The following TBC1D30 variants were observed in gnomAD, a reference collection of about 807,000 sequenced individuals.
TBC1D30 encodes TBC1 domain family, member 30.
In TBC1D30, 31 loss-of-function variants were observed where a neutral mutation model predicts 63.2. That is an observed-to-expected ratio of 0.49 (90% CI 0.37 to 0.66). The LOEUF is 0.66. Among genes scored for constraint, TBC1D30 ranks in the 30% least tolerant of loss-of-function variants. The pLI, the probability that TBC1D30 is intolerant of heterozygous loss-of-function variation, is 0.00. For synonymous variants in TBC1D30, 307 were observed against 361.5 expected, an observed-to-expected ratio of 0.85 and a Z score of 1.71; for missense variants, 810 against 953.6, an observed-to-expected ratio of 0.85 and a Z score of 1.98.
rs555558893 is a variant in TBC1D30, at chr12:64,805,117, C to T, written c.643+19072C>T. On this transcript the variant is annotated intron_variant, in intron 2 of 12. Coordinates refer to the TBC1D30 transcript ENST00000542120. ...TCAGGAGGCTGAGGTGGGAGAATTGCTTGAACCTGGGAGGCAGAGGTTGCA... is the reference window on the plus strand; with the variant it reads ...TCAGGAGGCTGAGGTGGGAGAATTGTTTGAACCTGGGAGGCAGAGGTTGCA... Among the ~76,000 whole-genome samples, 5 of 152,236 alleles carry T rather than the reference C, an allele frequency of 3.3e-5. 1 individual carries two copies. The South Asian group carries it at 1.0e-3, about 32-fold the overall frequency.
chr12:64,866,070 A>G (rs965360923), intron 9 of TBC1D30, among the ~76,000 whole-genome samples: 1 of 152,100 alleles, frequency 6.6e-6, no homozygotes, highest in African/African-American at 2.4e-5. Context: ...GAGTCTCGCT[A>G]TGTTACCCAG....
chr12:64,777,349 C>T (rs1267875739), upstream of TBC1D30, among the ~76,000 whole-genome samples: 1 of 152,190 alleles, frequency 6.6e-6, no homozygotes, highest in African/African-American at 2.4e-5. Flanking sequence ...GGTCCTATAT[C>T]TAGAAAACTC....
chr12:64,866,561 C>T lies in TBC1D30; in HGVS notation c.1152-203C>T, dbSNP rs145290503. ...CAAGCGATTCTCTAGCCTCAGCCTC[C>T]GAAGTAGCTGGAATTACAGGTGTGC... is the stretch of plus-strand genomic sequence containing the variant. On this transcript the variant is annotated intron_variant, in intron 9 of 11. Coordinates refer to ENST00000539867, the MANE Select transcript of TBC1D30 (RefSeq NM_015279.2). 4.3e-3 allele frequency among the ~76,000 whole-genome samples: 653 copies of T among 152,126 alleles called. 4 individuals are homozygous for T. Among genetic ancestry groups the T allele is most frequent in the African/African-American group, 0.015 (617 of 41,494 alleles).
At chr12:64,825,587 C>T (rs1874263522) in intron 1 of TBC1D30, 1 of 153,494 alleles carries the variant, frequency 6.5e-6, no homozygotes, top group Non-Finnish European at 1.5e-5. Flanking sequence ...AGCAGGAGAT[C>T]CTTTTCATAG....
intron 2 of TBC1D30, among the ~76,000 whole-genome samples, chr12:64,788,196 T>C (rs911983637): frequency 6.9e-6 from 1 of 145,652 alleles, no homozygotes; most frequent in African/African-American, 2.6e-5. Flanking sequence ...TGTAGGGGTG[T>C]GTGTGTGTGT....
intron 1 of TBC1D30, among the ~76,000 whole-genome samples, chr12:64,772,734 A>C (rs1050265172): frequency 6.6e-6 from 1 of 152,080 alleles, no homozygotes; most frequent in Non-Finnish European, 1.5e-5. Flanking sequence ...GGCCTACATC[A>C]GTTCTTTTAA....
chr12:64,808,468 T>C (rs1389006465), intron 2 of TBC1D30, among the ~76,000 whole-genome samples: 1 of 152,192 alleles, frequency 6.6e-6, no homozygotes, highest in Non-Finnish European at 1.5e-5. Flanking sequence ...TCAAAAATGT[T>C]TGCCATAAGA....
chr12:64,855,601 C>A (rs916717636), intron 8 of TBC1D30, among the ~76,000 whole-genome samples: 47 of 152,134 alleles, frequency 3.1e-4, no homozygotes, highest in Admixed American at 3.1e-3. Context: ...ATCAATTCTG[C>A]TATTAAGAGA....
At chr12:64,825,166 G>A (rs1874203281) in intron 1 of TBC1D30, 133 bp downstream of exon 1, 14 of 1,309,870 alleles carry the variant, frequency 1.1e-5, no homozygotes, top group Admixed American at 5.5e-5. Flanking sequence ...GCGGGGCACC[G>A]CGTTGGCACC....
chr12:64,825,005 G>T lies in TBC1D30; in HGVS notation c.126G>T (p.Ala42=). ...AGCGCAGCTGCATTTCCCGGACCGCGCCCCGGCTGCTGTGCACCCTGGAGC... is the reference window on the plus strand; with the variant it reads ...AGCGCAGCTGCATTTCCCGGACCGCTCCCCGGCTGCTGTGCACCCTGGAGC... The part of the protein sequence containing the change: ...LKKRSCISRT[A]PRLLCTLEPG... The change falls in exon 1 of 12, where the codon GCG becomes GCT. Residue 42 remains alanine (A), a synonymous_variant. Coordinates refer to ENST00000539867, the MANE Select transcript of TBC1D30 (RefSeq NM_015279.2). 1 of 1,533,906 alleles carries T rather than the reference G, an allele frequency of 6.5e-7. No homozygotes were observed. The highest frequency in any genetic ancestry group is 8.7e-7 in the Non-Finnish European group (1 of 1,146,370).
chr12:64,794,764 T>A (rs1872152183), intron 2 of TBC1D30, among the ~76,000 whole-genome samples: 1 of 152,210 alleles, frequency 6.6e-6, no homozygotes, highest in African/African-American at 2.4e-5. Flanking sequence ...TTTCTCGCTT[T>A]CCAACTCCTT....
chr12:64,828,220 T>C (rs1354114686), intron 2 of TBC1D30, among the ~76,000 whole-genome samples: 2 of 152,230 alleles, frequency 1.3e-5, no homozygotes, highest in African/African-American at 2.4e-5. Context: ...ATTTTGTTTG[T>C]ACTGCAAAGG....
intron 9 of TBC1D30, among the ~76,000 whole-genome samples, chr12:64,866,342 T>A (rs1878212587): frequency 6.6e-6 from 1 of 152,192 alleles, no homozygotes; most frequent in Non-Finnish European, 1.5e-5. Flanking sequence ...GGGAATTAGA[T>A]GGGAGATTCT....
chr12:64,880,346 A>G lies in TBC1D30; in HGVS notation c.*4558A>G, dbSNP rs1592677423. 1.3e-5 allele frequency: 2 copies of G among 152,398 alleles called. No individual in the cohort carries two copies. The highest frequency in any genetic ancestry group is 4.1e-4 in the South Asian group (2 of 4,830). The allele number at this position is 152,398 out of a possible 1,614,324, so 9.4% of individuals were successfully genotyped here. ...CTGACTCAGTTCAGGCTGCTGTAAC[A>G]AAGTACCATAGACTGAGGTGGCTTA... On this transcript the variant is annotated 3_prime_UTR_variant, in exon 12 of 12. Coordinates refer to ENST00000539867, the MANE Select transcript of TBC1D30 (RefSeq NM_015279.2).
At chr12:64,764,245 T>G (rs1319184399) in intron 1 of TBC1D30, among the ~76,000 whole-genome samples, 3 of 152,214 alleles carry the variant, frequency 2.0e-5, no homozygotes, top group African/African-American at 7.2e-5. Context: ...TTTTTTTCAT[T>G]ATTTCAATTT....
At chr12:64,818,407 C>T (rs1332798609) in intron 2 of TBC1D30, 4 of 983,870 alleles carry the variant, frequency 4.1e-6, no homozygotes, top group Non-Finnish European at 1.2e-6. Flanking sequence ...ATCCTTGTGT[C>T]CTTGTCACTA....
chr12:64,790,561 C>G (rs1871859391), intron 2 of TBC1D30, among the ~76,000 whole-genome samples: 1 of 151,922 alleles, frequency 6.6e-6, no homozygotes, highest in Admixed American at 6.6e-5. Flanking sequence ...TGAAAAAAAA[C>G]ATGAACAAAA....
chr12:64,860,884 G>A (rs1877731190), intron 8 of TBC1D30, among the ~76,000 whole-genome samples: 1 of 152,194 alleles, frequency 6.6e-6, no homozygotes, highest in African/African-American at 2.4e-5. Context: ...CCAACACACT[G>A]CTTCCACCTA....
chr12:64,847,256 G>A (rs1026641656), intron 8 of TBC1D30, among the ~76,000 whole-genome samples: 21 of 150,738 alleles, frequency 1.4e-4, no homozygotes, highest in Admixed American at 1.3e-4. Context: ...CTCTGAGTTT[G>A]TTTATTTGGA....
Sources: gnomAD v4.1 joint callset for allele counts (sites outside exome capture counted in the v4.1 genomes callset) on GRCh38, gnomAD v4.1.1 for gene constraint, MANE v1.5 for transcripts, NCBI Gene and HGNC (gene_info 2026-07-23, HGNC 2026-07-21) for gene names.